GALNT7: variants seen among roughly 807,000 people sequenced by gnomAD.
GALNT7 encodes N-acetylgalactosaminyltransferase 7.
A neutral mutation model predicts 82.1 loss-of-function variants in GALNT7; 60 were observed. The ratio of observed to expected loss-of-function variants is 0.73; its 90% CI spans 0.59 to 0.91. The LOEUF is 0.91. Ranked by LOEUF, GALNT7 falls within the 40% of genes least tolerant of loss-of-function variation. The probability of loss-of-function intolerance (pLI) is 0.00; values close to 1 mark genes in which losing one functional copy is unlikely to be tolerated. For missense variants in GALNT7, 660 were observed against 804.2 expected (o/e 0.82, Z 2.17); for synonymous variants, 243 against 275.1 (o/e 0.88, Z 1.15).
intron 1 of GALNT7, among the ~76,000 whole-genome samples, chr4:173,243,458 G>T (rs1209819087): frequency 6.6e-6 from 1 of 152,186 alleles, no homozygotes; most frequent in African/African-American, 2.4e-5. Flanking sequence ...TTGGGCTGTA[G>T]AGTGGATCAG....
At chr4:173,220,413 A>G (rs1733606298) in intron 1 of GALNT7, among the ~76,000 whole-genome samples, 1 of 152,116 alleles carries the variant, frequency 6.6e-6, no homozygotes, top group Non-Finnish European at 1.5e-5. Context: ...TATAGTTTGA[A>G]GTTGGGAAAT....
In GALNT7 at chr4:173,298,264, A is replaced by AG. The variant is rs1736795000; in HGVS notation, c.1116dup (p.Arg373GlufsTer8). ...CGGGTGCCTCTGACCCCTCAAGAGAAGAGACTGAGAAAGACAAAAACTGAA... is the reference window on the plus strand; with the variant it reads ...CGGGTGCCTCTGACCCCTCAAGAGAAGGAGACTGAGAAAGACAAAAACTGAA... On this transcript the variant is annotated frameshift_variant, in exon 6 of 12. Transcript: ENST00000265000. LOFTEE classifies it high-confidence loss of function. 6.3e-7 allele frequency: 1 copy of AG among 1,588,640 alleles called. No homozygotes were observed. Among genetic ancestry groups the AG allele is most frequent in the Non-Finnish European group, 8.5e-7 (1 of 1,172,032 alleles).
chr4:173,243,424 T>G (rs1268499268), intron 1 of GALNT7, among the ~76,000 whole-genome samples: 2 of 152,330 alleles, frequency 1.3e-5, no homozygotes, highest in African/African-American at 4.8e-5. Flanking sequence ...CTTTTCCATT[T>G]CTGTTTAACA....
intron 1 of GALNT7, among the ~76,000 whole-genome samples, chr4:173,175,358 A>C (rs903348721): frequency 3.9e-5 from 6 of 152,224 alleles, no homozygotes; most frequent in African/African-American, 1.4e-4. Flanking sequence ...TGGAATCCCA[A>C]CTTTATAGAT....
chr4:173,169,361 G>C (rs938029803), intron 1 of GALNT7: 1 of 150,998 alleles, frequency 6.6e-6, no homozygotes, highest in Non-Finnish European at 1.5e-5. Flanking sequence ...GGGGACGCGG[G>C]GTTGGTCCAG....
chr4:173,237,347 C>T (rs1300776216), intron 1 of GALNT7, among the ~76,000 whole-genome samples: 5 of 152,118 alleles, frequency 3.3e-5, no homozygotes, highest in African/African-American at 4.8e-5. Context: ...GAGGAAGAGC[C>T]GTTTTATGCA....
Position 173,321,787 on chromosome 4 carries a change from A to G in GALNT7, c.*70A>G, listed in dbSNP as rs1240782974. On this transcript the variant is annotated 3_prime_UTR_variant, in exon 12 of 12. Coordinates refer to ENST00000265000, the MANE Select transcript of GALNT7 (RefSeq NM_017423.3). ...TATACAGGACTGAAAACCGCCTGAA[A>G]CCTGCTGCAACTATTGTTATTAACT... The G allele has an allele frequency of 1.0e-6, 1 of 992,456 alleles. No individual in the cohort carries two copies. The highest frequency in any genetic ancestry group is 1.6e-5 in the African/African-American group (1 of 62,156). The allele number at this position is 992,456 out of a possible 1,614,324, so 61.5% of individuals were successfully genotyped here.
intron 1 of GALNT7, among the ~76,000 whole-genome samples, chr4:173,194,278 C>G (rs1311019338): frequency 6.6e-6 from 1 of 152,120 alleles, no homozygotes; most frequent in African/African-American, 2.4e-5. Context: ...CAGAGGCATT[C>G]TTTGTACATG....
At chr4:173,259,948 A>G (rs956599486) in intron 2 of GALNT7, among the ~76,000 whole-genome samples, 1 of 152,108 alleles carries the variant, frequency 6.6e-6, no homozygotes, top group Non-Finnish European at 1.5e-5. Flanking sequence ...CATTTCTTGT[A>G]TTTTTAATTA....
chr4:173,289,406 AG>A (rs1363689629), intron 2 of GALNT7, among the ~76,000 whole-genome samples: 1 of 152,162 alleles, frequency 6.6e-6, no homozygotes, highest in African/African-American at 2.4e-5. Context: ...GTGGAGCAAA[AG>A]TTTAATAAGA....
Position 173,292,047 on chromosome 4 carries a change from G to A in GALNT7, c.588-61G>A. 1 of 1,115,084 alleles carries A rather than the reference G, an allele frequency of 9.0e-7. No homozygotes were observed. The highest frequency in any genetic ancestry group is 1.3e-6 in the Non-Finnish European group (1 of 748,732). 69.1% of individuals were successfully genotyped at this position (1,115,084 alleles called of 1,614,324 possible). On this transcript the variant is annotated intron_variant, in intron 2 of 11. Coordinates refer to ENST00000265000, the MANE Select transcript of GALNT7 (RefSeq NM_017423.3). The surrounding 1 kb of genome is among the most constrained non-coding windows in gnomAD (Gnocchi z 4.8). The stretch of plus-strand genomic sequence containing the variant: ...GTAATCCAATCAGCAAATATAGTCA[G>A]CTTGGAGCCAAGCAGTATAGATTAC...
At chr4:173,285,900 G>T (rs1579990591) in intron 2 of GALNT7, among the ~76,000 whole-genome samples, 1 of 152,150 alleles carries the variant, frequency 6.6e-6, no homozygotes, top group Non-Finnish European at 1.5e-5. Flanking sequence ...GGGATTTGTG[G>T]CACCTTAATC....
At chr4:173,314,998 C>CA (rs1181110053) in intron 9 of GALNT7, among the ~76,000 whole-genome samples, 3 of 151,908 alleles carry the variant, frequency 2.0e-5, no homozygotes, top group Non-Finnish European at 4.4e-5. Flanking sequence ...GGAGAGAGAC[C>CA]AAAAAAGTCT....
At chr4:173,258,118 A>G (rs1735112958) in intron 2 of GALNT7, among the ~76,000 whole-genome samples, 1 of 152,258 alleles carries the variant, frequency 6.6e-6, no homozygotes, top group Non-Finnish European at 1.5e-5. Flanking sequence ...CTACTTAAGA[A>G]AGCAGCCTTG....
chr4:173,184,487 A>G (rs981020805), intron 1 of GALNT7, among the ~76,000 whole-genome samples: 27 of 151,808 alleles, frequency 1.8e-4, no homozygotes, highest in Non-Finnish European at 3.7e-4. Flanking sequence ...AATCCCAGGC[A>G]CTCGGCAGGC....
intron 1 of GALNT7, among the ~76,000 whole-genome samples, chr4:173,226,994 T>C (rs1413719042): frequency 6.6e-6 from 1 of 152,224 alleles, no homozygotes; most frequent in Admixed American, 6.5e-5. Context: ...TGGTTAATAA[T>C]TTTTCTAAAC....
In GALNT7 at chr4:173,248,024, T is replaced by A. The variant is rs760056094; in HGVS notation, c.171T>A (p.Asn57Lys). ...ACCCCATGCCCAACCGAGGCGGCAA[T>A]GGACTAGCTCCTGGGGAGGACAGAT... ...VNDPMPNRGGNGLAPGEDRFK... is the reference protein window; with the variant it reads ...VNDPMPNRGGKGLAPGEDRFK... Residue 57 changes from asparagine to lysine, a missense_variant, in exon 2 of 12, where the codon AAT becomes AAA. This residue lies in a region of GALNT7 where 133 missense variants were observed against 120.7 expected (regional missense o/e 1.10). Transcript: ENST00000265000. The A allele has an allele frequency of 9.9e-6, 16 of 1,613,584 alleles. No individual in the cohort carries two copies. In the South Asian group the frequency reaches 1.6e-4, roughly 17 times the overall value.
chr4:173,222,131 G>A (rs892338305), intron 1 of GALNT7, among the ~76,000 whole-genome samples: 2 of 152,166 alleles, frequency 1.3e-5, no homozygotes, highest in African/African-American at 4.8e-5. Flanking sequence ...GTATCAGCGC[G>A]TGCTTGGCAG....
intron 1 of GALNT7, among the ~76,000 whole-genome samples, chr4:173,231,003 A>C (rs148650796): frequency 1.3e-5 from 2 of 152,216 alleles, no homozygotes; most frequent in African/African-American, 4.8e-5. Flanking sequence ...CAAAAAGGCA[A>C]GAGTATTCAT....
Sources: gnomAD v4.1 joint callset for allele counts (sites outside exome capture counted in the v4.1 genomes callset) on GRCh38, gnomAD v4.1.1 for gene constraint, gnomAD v4.1.1 regional missense constraint, Gnocchi (gnomAD v3.1) non-coding constraint, MANE v1.5 for transcripts, NCBI Gene and HGNC (gene_info 2026-07-23, HGNC 2026-07-21) for gene names.